The following C3orf20 variants were observed in gnomAD, a reference collection of about 807,000 sequenced individuals.
C3orf20 encodes family with sequence similarity 149 member C, also known as uncharacterized protein C3orf20.
Under a neutral mutation model 88.3 loss-of-function variants are expected in C3orf20, and 76 were observed. The ratio of observed to expected loss-of-function variants is 0.86; its 90% CI spans 0.72 to 1.04. C3orf20 has a LOEUF of 1.04. Ranked by LOEUF, C3orf20 falls within the 50% of genes least tolerant of loss-of-function variation. The pLI is 0.00. For synonymous variants in C3orf20, 436 were observed against 437.4 expected (o/e 1.00, Z 0.04); for missense variants, 1,056 against 1,123.3 (o/e 0.94, Z 0.86).
Position 14,772,767 on chromosome 3 carries a change from C to T in C3orf20, c.2631-24C>T. The T allele has an allele frequency of 8.1e-6, 13 of 1,602,086 alleles. No individual in the cohort carries two copies. Among genetic ancestry groups the T allele is most frequent in the Non-Finnish European group, 1.1e-5 (13 of 1,169,460 alleles). On this transcript the variant is annotated intron_variant, in intron 16 of 16. Coordinates refer to ENST00000253697, the MANE Select transcript of C3orf20 (RefSeq NM_032137.5). This position sits in a 1 kb window ranked among gnomAD's most constrained non-coding sequence, Gnocchi z 4.2. Reference sequence around the variant, plus strand: ...CTGTGAAGAACAGCCCTTCCGCCTCCCGGCCCTCTATTTTGATCTTTAGGA... The same window carrying T: ...CTGTGAAGAACAGCCCTTCCGCCTCTCGGCCCTCTATTTTGATCTTTAGGA...
chr3:14,685,442 CTCTCTCTCTCTCTCTGTT>C (rs2032345357), intron 4 of C3orf20, among the ~76,000 whole-genome samples: 1 of 122,408 alleles, frequency 8.2e-6, no homozygotes. Flanking sequence ...CCAGTGACCT[CTCTCTCTCTCTCTCTGTT>C]TCTCTCTCTC....
At chr3:14,735,066 T>C (rs962024237) in intron 12 of C3orf20, among the ~76,000 whole-genome samples, 2 of 139,792 alleles carry the variant, frequency 1.4e-5, no homozygotes, top group Non-Finnish European at 3.2e-5. Flanking sequence ...CTTTCACCCT[T>C]TCTGCTCCTT....
intron 5 of C3orf20, among the ~76,000 whole-genome samples, chr3:14,693,876 GT>G (rs2032849644): frequency 6.6e-6 from 1 of 152,098 alleles, no homozygotes; most frequent in Admixed American, 6.6e-5. Context: ...TCTATACCCA[GT>G]TTTTTGAGGG....
chr3:14,696,038 G>A (rs2032981184), intron 5 of C3orf20, among the ~76,000 whole-genome samples: 1 of 150,392 alleles, frequency 6.6e-6, no homozygotes, highest in Admixed American at 6.6e-5. Flanking sequence ...GTTGTTTTGT[G>A]GTCTTCTCAT....
At chr3:14,705,873 C>A (rs551188637) in intron 7 of C3orf20, among the ~76,000 whole-genome samples, 26 of 152,314 alleles carry the variant, frequency 1.7e-4, no homozygotes, top group African/African-American at 6.3e-4. Context: ...AAAAGGAATT[C>A]TGTGGCCAAG....
chr3:14,711,854 G>A (rs777973592), intron 7 of C3orf20, among the ~76,000 whole-genome samples: 4 of 151,768 alleles, frequency 2.6e-5, no homozygotes, highest in Non-Finnish European at 5.9e-5. Flanking sequence ...TCTATATGTC[G>A]TATACCATCT....
At chr3:14,710,428 A>G (rs575779060) in intron 7 of C3orf20, among the ~76,000 whole-genome samples, 1 of 152,240 alleles carries the variant, frequency 6.6e-6, no homozygotes, top group Non-Finnish European at 1.5e-5. Context: ...TCCTTAAGGT[A>G]GAAAATTGGG....
At chr3:14,685,169 G>A (rs1205358843) in intron 4 of C3orf20, among the ~76,000 whole-genome samples, 2 of 152,122 alleles carry the variant, frequency 1.3e-5, no homozygotes, top group African/African-American at 2.4e-5. Flanking sequence ...AGGCACTAAA[G>A]CATAGATATT....
At position 14,757,819 on chromosome 3, in the gene C3orf20, G is replaced by A; in HGVS notation, c.2244+145G>A. The A allele has an allele frequency of 4.2e-6, 3 of 715,282 alleles. No homozygotes were observed. In the South Asian group the frequency reaches 5.7e-5, roughly 14 times the overall value. The allele number at this position is 715,282 out of a possible 1,614,324, so 44.3% of individuals were successfully genotyped here. On this transcript the variant is annotated intron_variant, in intron 13 of 16. Coordinates refer to ENST00000253697, the MANE Select transcript of C3orf20 (RefSeq NM_032137.5). Reference sequence around the variant, plus strand: ...CAGCTCCTTTCTCCTTGGAGTCTTTGTGTGTACTCTCCTGTCTGCAGTGTC... The same window carrying A: ...CAGCTCCTTTCTCCTTGGAGTCTTTATGTGTACTCTCCTGTCTGCAGTGTC...
intron 7 of C3orf20, among the ~76,000 whole-genome samples, chr3:14,713,501 G>A (rs1039599802): frequency 4.6e-5 from 7 of 152,300 alleles, no homozygotes; most frequent in Admixed American, 6.5e-5. Flanking sequence ...TGAACAAGGC[G>A]ACATTACCTG....
rs775473023 is a variant in C3orf20, at chr3:14,683,182, G to A, written c.469G>A (p.Val157Met). Residue 157 changes from valine (V) to methionine (M), a missense_variant, in exon 3 of 17, where the codon GTG becomes ATG. By Grantham distance (21) the Val-to-Met change is conservative. Coordinates refer to ENST00000253697, the MANE Select transcript of C3orf20 (RefSeq NM_032137.5). The part of the protein sequence containing the change: ...ELLRLKMKAM[V>M]ESMSVGANPL... ...CCTCAGACTGAAGATGAAGGCCATG[G>A]TGGAGTCTATGTCGGGTAAGGCCCA... The A allele has an allele frequency of 6.3e-7, 1 of 1,592,430 alleles. No individual in the cohort carries two copies. The highest frequency in any genetic ancestry group is 8.6e-7 in the Non-Finnish European group (1 of 1,169,112).
intron 12 of C3orf20, among the ~76,000 whole-genome samples, chr3:14,753,446 C>G (rs926853397): frequency 9.9e-5 from 15 of 152,166 alleles, no homozygotes; most frequent in Non-Finnish European, 2.1e-4. Context: ...ATGTAACAAA[C>G]TTGCACATTG....
intron 12 of C3orf20, among the ~76,000 whole-genome samples, chr3:14,731,091 AC>A (rs1346318077): frequency 6.6e-6 from 1 of 151,982 alleles, no homozygotes; most frequent in Non-Finnish European, 1.5e-5. Context: ...CGATTCCATC[AC>A]CCCCCAACCA....
intron 10 of C3orf20, 110 bp from the exon 11 acceptor site, chr3:14,726,791 G>A: frequency 1.4e-6 from 2 of 1,462,778 alleles, no homozygotes; most frequent in South Asian, 1.3e-5. Flanking sequence ...GGGTAGGGGG[G>A]CAGGCAATAG....
Position 14,714,077 on chromosome 3 carries a change from T to C in C3orf20, c.1231T>C (p.Phe411Leu). 1 of 1,614,148 alleles carries C rather than the reference T, an allele frequency of 6.2e-7. No individual in the cohort carries two copies. Among genetic ancestry groups the C allele is most frequent in the Non-Finnish European group, 8.5e-7 (1 of 1,180,018 alleles). The change falls in exon 8 of 17, where the codon TTT becomes CTT. Residue 411 changes from phenylalanine to leucine, a missense_variant. Transcript: ENST00000253697. The part of the protein sequence containing the change: ...CCRGRTITCL[F>L]NDIPGFSLLA... The stretch of plus-strand genomic sequence containing the variant: ...CAGAGGGAGAACCATCACCTGCCTC[T>C]TTAATGACATACCTGGATTCTCCTT...
chr3:14,751,978 C>T (rs2125023451), intron 12 of C3orf20, among the ~76,000 whole-genome samples: 1 of 152,256 alleles, frequency 6.6e-6, no homozygotes, highest in Admixed American at 6.5e-5. Flanking sequence ...TTGGAAAAGA[C>T]TACTTTAAAT....
At position 14,759,680 on chromosome 3, in the gene C3orf20, G is replaced by A. The variant is rs145832456; in HGVS notation, c.2245-211G>A. Among the ~76,000 whole-genome samples the A allele has an allele frequency of 5.3e-5, 8 of 152,260 alleles. No homozygotes were observed. In the East Asian group the frequency reaches 1.5e-3, roughly 29 times the overall value. ...CTCGGAAATGGCCTTCTCCCCTAGC[G>A]GGCTCTAATCAGATCCAGGGACATC... On this transcript the variant is annotated intron_variant, in intron 13 of 16. Coordinates refer to ENST00000253697, the MANE Select transcript of C3orf20 (RefSeq NM_032137.5).
At chr3:14,719,814 C>G (rs1293261480) in intron 9 of C3orf20, among the ~76,000 whole-genome samples, 1 of 152,240 alleles carries the variant, frequency 6.6e-6, no homozygotes, top group East Asian at 1.9e-4. Flanking sequence ...AAACTTTTTA[C>G]TTTTACCTTA....
In C3orf20 at chr3:14,743,956, A is replaced by T. The variant is rs115376395; in HGVS notation, c.1941-13415A>T. Among the ~76,000 whole-genome samples, 1,404 of 152,166 alleles carry T rather than the reference A, an allele frequency of 9.2e-3. 53 individuals carry two copies. Among genetic ancestry groups the T allele is most frequent in the African/African-American group, 0.032 (1,339 of 41,406 alleles). On this transcript the variant is annotated intron_variant, in intron 12 of 16. Transcript: ENST00000253697. ...TCCAGGCCTGATGGGAGGGGCTATC[A>T]GGAAGTTCTCTGATATGGCCTGGAG... is the stretch of plus-strand genomic sequence containing the variant.
Sources: allele counts gnomAD v4.1 joint callset (sites outside exome capture counted in the v4.1 genomes callset), GRCh38; gene constraint gnomAD v4.1.1; non-coding constraint Gnocchi (gnomAD v3.1); transcripts MANE v1.5; gene names NCBI Gene and HGNC (gene_info 2026-07-23, HGNC 2026-07-21).